Variants in STAG2 observed in about 807,000 individuals in gnomAD.
The protein encoded by STAG2 is STAG2 cohesin complex component, also known as cohesin subunit SA-2.
A neutral mutation model predicts 108.1 loss-of-function variants in STAG2; 14 were observed. That is an observed-to-expected ratio of 0.13 (90% CI 0.09 to 0.20). The LOEUF is 0.20. STAG2 is among the 10% of genes least tolerant of loss of function. The pLI is 1.00. For missense variants in STAG2, 440 were observed against 940.9 expected (o/e 0.47, Z 6.96); for synonymous variants, 307 against 302.7 (o/e 1.01, Z -0.15).
intron 10 of STAG2, 84 bp downstream of exon 10, chrX:124,049,162 A>G: frequency 1.1e-5 from 8 of 728,867 alleles, no homozygotes; most frequent in Non-Finnish European, 1.4e-5. Context: ...TAGGGAATCT[A>G]AATTAGCAGG....
At position 124,068,632 on chromosome X, in the gene STAG2, C is replaced by T. The variant is rs1013728889; in HGVS notation, c.2334C>T (p.Asn778=). The change falls in exon 24 of 35, where the codon AAC becomes AAT. Residue 778 remains asparagine (N), a synonymous_variant. Coordinates refer to ENST00000371145, the MANE Select transcript of STAG2 (RefSeq NM_001042750.2). ...FCQICQHYLT[N]VNTTVKEQAF... ...AGATATGTCAACATTACCTGACCAA[C>T]GTGAATACTACTGTTAAGGAACAGG... 1.1e-5 allele frequency: 13 copies of T among 1,180,181 alleles called. No homozygotes were observed. The highest frequency in any genetic ancestry group is 1.1e-5 in the Non-Finnish European group (10 of 879,326).
intron 1 of STAG2, among the ~76,000 whole-genome samples, chrX:123,977,600 A>G: frequency 9.0e-6 from 1 of 111,668 alleles, no homozygotes; most frequent in Non-Finnish European, 1.9e-5. Context: ...GTGATTTCAA[A>G]AATTAATCCA....
intron 27 of STAG2, among the ~76,000 whole-genome samples, chrX:124,079,105 A>G (rs1167050545): frequency 3.7e-5 from 4 of 108,998 alleles, no homozygotes; most frequent in African/African-American, 1.3e-4. Flanking sequence ...ACCCATTCCA[A>G]CTTAATGAAC....
intron 1 of STAG2, among the ~76,000 whole-genome samples, chrX:124,018,306 G>A (rs1055571626): frequency 8.9e-6 from 1 of 112,313 alleles, no homozygotes; most frequent in Non-Finnish European, 1.9e-5. Flanking sequence ...ATTGTTTGGT[G>A]AGTTTGATTT....
chrX:123,977,933 T>C (rs752702187), intron 1 of STAG2, among the ~76,000 whole-genome samples: 2 of 103,723 alleles, frequency 1.9e-5, no homozygotes, highest in Non-Finnish European at 3.9e-5. Context: ...GCCTTGACTT[T>C]CTGGGCTCAA....
At chrX:124,024,952 C>T (rs1254588991) in intron 3 of STAG2, among the ~76,000 whole-genome samples, 2 of 111,472 alleles carry the variant, frequency 1.8e-5, no homozygotes, top group Non-Finnish European at 3.8e-5. Context: ...TATGTTACTA[C>T]TATTTAGATA....
chrX:124,049,127 C>T (rs187118839), intron 10 of STAG2, 49 bp downstream of exon 10: 1 of 1,000,481 alleles, frequency 1.0e-6, no homozygotes, highest in African/African-American at 1.9e-5. Flanking sequence ...AATTTCTACT[C>T]AGCAAGTTTG....
At chrX:123,984,745 C>A (rs1191178653) in intron 1 of STAG2, among the ~76,000 whole-genome samples, 1 of 111,058 alleles carries the variant, frequency 9.0e-6, no homozygotes, top group African/African-American at 3.3e-5. Context: ...TCAAGTGATC[C>A]TCCCACCTCA....
rs778778508 is a variant in STAG2 at position 124,042,424 on chromosome X, C to T, written c.386-145C>T. On this transcript the variant is annotated intron_variant, in intron 6 of 34. Coordinates refer to ENST00000371145, the MANE Select transcript of STAG2 (RefSeq NM_001042750.2). ...GTGCTTTATTTATAGATTAGAGTAT[C>T]ATGGTAAAGATTATTAGATGATGGT... 2.5e-3 allele frequency: 1,035 copies of T among 412,484 alleles called. 3 individuals carry two copies. The highest frequency in any genetic ancestry group is 6.8e-3 in the Middle Eastern group (11 of 1,613). 34.0% of individuals were successfully genotyped at this position (412,484 alleles called of 1,213,427 possible).
intron 3 of STAG2, among the ~76,000 whole-genome samples, chrX:124,023,484 A>G (rs1223549435): frequency 9.0e-6 from 1 of 111,605 alleles, no homozygotes; most frequent in African/African-American, 3.2e-5. Flanking sequence ...TCTTCAGTGG[A>G]GTTTATGAAT....
chrX:123,995,608 G>T (rs907600798), intron 1 of STAG2, among the ~76,000 whole-genome samples: 37 of 110,533 alleles, frequency 3.3e-4, no homozygotes, highest in African/African-American at 1.2e-3. Flanking sequence ...GCAGGAGAAT[G>T]GCGTGAACCC....
chrX:124,101,354 C>G lies in STAG2; in HGVS notation c.*757C>G, dbSNP rs2059505081. On this transcript the variant is annotated 3_prime_UTR_variant, in exon 35 of 35. Coordinates refer to ENST00000371145, the MANE Select transcript of STAG2 (RefSeq NM_001042750.2). ...AAAATGTAATGTTGTGATATTCCTTCCAGTAATGCCACTGTATTTTGTCTC... is the reference window on the plus strand; with the variant it reads ...AAAATGTAATGTTGTGATATTCCTTGCAGTAATGCCACTGTATTTTGTCTC... 6.5e-6 allele frequency: 1 copy of G among 153,972 alleles called. No homozygotes were observed. Among genetic ancestry groups the G allele is most frequent in the South Asian group, 3.4e-4 (1 of 2,985 alleles). 12.7% of individuals were successfully genotyped at this position (153,972 alleles called of 1,213,427 possible).
chrX:124,017,832 T>C (rs1302661981), intron 1 of STAG2, among the ~76,000 whole-genome samples: 1 of 111,960 alleles, frequency 8.9e-6, no homozygotes, highest in Non-Finnish European at 1.9e-5. Flanking sequence ...GTGATTAAGT[T>C]TCAGCTTTTA....
chrX:124,037,659 A>G (rs897182636), intron 6 of STAG2, 36 bp downstream of exon 6: 8 of 943,544 alleles, frequency 8.5e-6, no homozygotes, highest in Non-Finnish European at 1.2e-5. Flanking sequence ...GCAGCTCTCA[A>G]ATAGTCACTT....
chrX:123,960,793 C>A (rs1356168012), upstream of STAG2: 1 of 109,628 alleles, frequency 9.1e-6, no homozygotes, highest in Non-Finnish European at 1.9e-5. Flanking sequence ...GAAGAAGCCC[C>A]CGGCCTGAGA....
intron 32 of STAG2, 140 bp from the exon 33 acceptor site, chrX:124,093,878 A>G: frequency 1.6e-6 from 1 of 627,864 alleles, no homozygotes; most frequent in Non-Finnish European, 2.4e-6. Flanking sequence ...TGATGACATA[A>G]TCAATGCCTA....
At chrX:124,055,035 G>A (rs2058155184) in intron 13 of STAG2, among the ~76,000 whole-genome samples, 1 of 111,614 alleles carries the variant, frequency 9.0e-6, no homozygotes, top group African/African-American at 3.3e-5. Flanking sequence ...CCAAAGTGCT[G>A]GGATTACAGG....
At chrX:124,068,805 A>T in intron 24 of STAG2, 149 bp downstream of exon 24, 1 of 364,677 alleles carries the variant, frequency 2.7e-6, no homozygotes, top group Non-Finnish European at 4.7e-6. Flanking sequence ...ATAGGTTAAT[A>T]TATTGGATTT....
intron 1 of STAG2, among the ~76,000 whole-genome samples, chrX:123,975,766 A>G (rs2054590464): frequency 8.9e-6 from 1 of 112,242 alleles, no homozygotes; most frequent in African/African-American, 3.2e-5. Flanking sequence ...GCCCTGCGGA[A>G]TATGTACTTT....
Sources: allele counts gnomAD v4.1 joint callset (sites outside exome capture counted in the v4.1 genomes callset), GRCh38; gene constraint gnomAD v4.1.1; transcripts MANE v1.5; gene names NCBI Gene and HGNC (gene_info 2026-07-23, HGNC 2026-07-21).